TERT: variants seen among roughly 807,000 people sequenced by gnomAD.
The protein encoded by TERT is telomerase reverse transcriptase, also known as telomerase catalytic subunit.
Under a neutral mutation model 104.0 loss-of-function variants are expected in TERT, and 42 were observed. The observed-to-expected ratio is 0.40, with a 90% CI of 0.32 to 0.52. TERT has a LOEUF of 0.52. TERT is among the 20% of genes least tolerant of loss of function. TERT has a pLI of 0.43. For synonymous variants in TERT, 781 were observed against 725.6 expected (o/e 1.08, Z -1.23); for missense variants, 1,101 against 1,610.3 (o/e 0.68, Z 5.41).
Position 1,288,900 on chromosome 5 carries a change from C to T in TERT, c.1573+4413G>A, listed in dbSNP as rs371790289. ...GCGAGAGCCTGCAGTCCCGTGTCCC[C>T]GTAGCAAAATGGAACGGAGAGGTGA... On this transcript the variant is annotated intron_variant, in intron 2 of 15. Coordinates refer to ENST00000310581, the MANE Select transcript of TERT (RefSeq NM_198253.3). The surrounding 1 kb of genome is among the most constrained non-coding windows in gnomAD (Gnocchi z 5.3). 4.7e-4 allele frequency among the ~76,000 whole-genome samples: 72 copies of T among 152,236 alleles called. No homozygotes were observed. The highest frequency in any genetic ancestry group is 1.6e-3 in the African/African-American group (66 of 41,522).
chr5:1,293,884 G>T lies in TERT; in HGVS notation c.1002C>A (p.Ser334=). ...GCCGCAGCTGCTCCTTGTCGCCTGA[G>T]GAGTAGAGGAAGTGCTTGGTCTCGG... is the stretch of plus-strand genomic sequence containing the variant. The part of the protein sequence containing the change: ...VYAETKHFLY[S]SGDKEQLRPS... The change falls in exon 2 of 16, where the codon TCC becomes TCA. Residue 334 remains serine (S), a synonymous_variant. Transcript: ENST00000310581. 1 of 1,543,596 alleles carries T rather than the reference G, an allele frequency of 6.5e-7. No individual in the cohort carries two copies. The highest frequency in any genetic ancestry group is 8.7e-7 in the Non-Finnish European group (1 of 1,146,978).
In TERT at chr5:1,282,527, G is replaced by A. The variant is rs1750093586; in HGVS notation, c.1671C>T (p.Leu557=). ...WLMSVYVVEL[L]RSFFYVTETT... ...TCTCCGTGACATAAAAGAAAGACCT[G>A]AGCAGCTCGACGACGTACACACTCA... The change falls in exon 3 of 16, where the codon CTC becomes CTT. Residue 557 remains leucine (L), a synonymous_variant. Coordinates refer to ENST00000310581, the MANE Select transcript of TERT (RefSeq NM_198253.3). 1 of 1,614,142 alleles carries A rather than the reference G, an allele frequency of 6.2e-7. No individual in the cohort carries two copies. Among genetic ancestry groups the A allele is most frequent in the Non-Finnish European group, 8.5e-7 (1 of 1,180,030 alleles).
Position 1,287,442 on chromosome 5 carries a change from T to C in TERT, c.1574-4818A>G, listed in dbSNP as rs530917142. ...TCAGGCCAGAAGGTAAAAGTTACAC[T>C]GACCTGTGATCACACCACTGCACTC... On this transcript the variant is annotated intron_variant, in intron 2 of 15. Coordinates refer to ENST00000310581, the MANE Select transcript of TERT (RefSeq NM_198253.3). This position sits in a 1 kb window ranked among gnomAD's most constrained non-coding sequence, Gnocchi z 4.3. Among the ~76,000 whole-genome samples the C allele has an allele frequency of 2.7e-4, 40 of 150,780 alleles. No homozygotes were observed. Among genetic ancestry groups the C allele is most frequent in the Non-Finnish European group, 5.2e-4 (35 of 67,856 alleles).
In TERT at chr5:1,269,339, A is replaced by G. The variant is rs564025299; in HGVS notation, c.2469-706T>C. ...AAAAGAGGCTTTCCGGCTGGGCGTG[A>G]TGGCTCACACCTGTAATCCCAGCAC... On this transcript the variant is annotated intron_variant, in intron 8 of 15. Coordinates refer to ENST00000310581, the MANE Select transcript of TERT (RefSeq NM_198253.3). This position sits in a 1 kb window ranked among gnomAD's most constrained non-coding sequence, Gnocchi z 9.0. Among the ~76,000 whole-genome samples, 670 of 152,218 alleles carry G rather than the reference A, an allele frequency of 4.4e-3. 5 individuals are homozygous for G. Among genetic ancestry groups the G allele is most frequent in the South Asian group, 0.034 (164 of 4,814 alleles).
intron 6 of TERT, 103 bp downstream of exon 6, chr5:1,278,538 G>C: frequency 6.6e-7 from 1 of 1,506,960 alleles, no homozygotes; most frequent in East Asian, 2.3e-5. Flanking sequence ...AATCATGGAA[G>C]TACCTCCACC....
In TERT at chr5:1,254,599, G is replaced by A. The variant is rs188517214; in HGVS notation, c.3158-94C>T. The A allele has an allele frequency of 2.3e-3, 3,306 of 1,465,196 alleles. 8 individuals are homozygous for A. The highest frequency in any genetic ancestry group is 2.4e-3 in the Admixed American group (118 of 49,632). The allele number at this position is 1,465,196 out of a possible 1,614,324, so 90.8% of individuals were successfully genotyped here. A position where few individuals can be genotyped will look rare whatever the true frequency, so the allele number is the denominator to read the frequency against. The stretch of plus-strand genomic sequence containing the variant: ...CTGCCCACACCCGACGGTCTGCGGG[G>A]TGGCTCCATCTCTGGCTGTCCCGAC... On this transcript the variant is annotated intron_variant, in intron 14 of 15. Coordinates refer to ENST00000310581, the MANE Select transcript of TERT (RefSeq NM_198253.3).
At chr5:1,267,327 A>T in intron 9 of TERT, among the ~76,000 whole-genome samples, 1 of 152,116 alleles carries the variant, frequency 6.6e-6, no homozygotes, top group East Asian at 1.9e-4. Context: ...CTATTTTCAT[A>T]AAAAAATAAC....
intron 2 of TERT, 59 bp downstream of exon 2, chr5:1,293,254 T>C: frequency 6.3e-7 from 1 of 1,599,972 alleles, no homozygotes; most frequent in African/African-American, 1.3e-5. Flanking sequence ...CCCCCTTTTC[T>C]GAGCCCCTAC....
In TERT at chr5:1,282,467, C is replaced by A; in HGVS notation, c.1731G>T (p.Arg577=). The change falls in exon 3 of 16, where the codon CGG becomes CGT. Residue 577 remains arginine (R), a synonymous_variant. Transcript: ENST00000310581. ...TTTGCAACTTGCTCCAGACACTCTT[C>A]CGGTAGAAAAAGAGCCTGTTCTTTT... ...TFQKNRLFFY[R]KSVWSKLQSI... The A allele has an allele frequency of 6.2e-7, 1 of 1,614,180 alleles. No individual in the cohort carries two copies. Among genetic ancestry groups the A allele is most frequent in the Non-Finnish European group, 8.5e-7 (1 of 1,180,036 alleles).
At chr5:1,282,347 C>T (rs1311950371) in intron 3 of TERT, 82 bp downstream of exon 3, 2 of 1,458,892 alleles carry the variant, frequency 1.4e-6, no homozygotes, top group African/African-American at 2.8e-5. Context: ...GAAGCACAGG[C>T]AAGTGGAGAC....
In TERT at chr5:1,269,475, G is replaced by T. The variant is rs972026940; in HGVS notation, c.2469-842C>A. 3.9e-5 allele frequency among the ~76,000 whole-genome samples: 6 copies of T among 152,074 alleles called. No homozygotes were observed. The highest frequency in any genetic ancestry group is 7.4e-5 in the Non-Finnish European group (5 of 68,000). On this transcript the variant is annotated intron_variant, in intron 8 of 15. Transcript: ENST00000310581. The surrounding 1 kb of genome is among the most constrained non-coding windows in gnomAD (Gnocchi z 9.0). ...AAATACAAAAATTAGCCAGGCGCAGGGGGTGGGTGCCTGTAATCTCAGCTG... is the reference window on the plus strand; with the variant it reads ...AAATACAAAAATTAGCCAGGCGCAGTGGGTGGGTGCCTGTAATCTCAGCTG...
chr5:1,268,465 C>A lies in TERT; in HGVS notation c.2582+55G>T. ...GCACCAGGAATATTAACACTGAATG[C>A]ATCAAAAGCAAATCAACCCCCACCC... On this transcript the variant is annotated intron_variant, in intron 9 of 15. Coordinates refer to ENST00000310581, the MANE Select transcript of TERT (RefSeq NM_198253.3). The surrounding 1 kb of genome is among the most constrained non-coding windows in gnomAD (Gnocchi z 5.5). 2.3e-6 allele frequency: 3 copies of A among 1,304,176 alleles called. No homozygotes were observed. Among genetic ancestry groups the A allele is most frequent in the Non-Finnish European group, 3.3e-6 (3 of 907,036 alleles). The allele number at this position is 1,304,176 out of a possible 1,614,324, so 80.8% of individuals were successfully genotyped here. A position where few individuals can be genotyped will look rare whatever the true frequency, so the allele number is the denominator to read the frequency against.
intron 12 of TERT, 143 bp from the exon 13 acceptor site, chr5:1,258,802 G>C: frequency 1.2e-6 from 1 of 820,844 alleles, no homozygotes; most frequent in Non-Finnish European, 2.0e-6. Flanking sequence ...AGTGAAATCC[G>C]GCCTGGCCCT....
Position 1,269,251 on chromosome 5 carries a change from C to T in TERT, c.2469-618G>A, listed in dbSNP as rs1748849198. On this transcript the variant is annotated intron_variant, in intron 8 of 15. Coordinates refer to ENST00000310581, the MANE Select transcript of TERT (RefSeq NM_198253.3). The surrounding 1 kb of genome is among the most constrained non-coding windows in gnomAD (Gnocchi z 9.0). ...ACGCCACTCCTGTTGCTAAGAGACG[C>T]TTGCAGCCTACTGCAAAAACAAGAC... Among the ~76,000 whole-genome samples, 1 of 152,236 alleles carries T rather than the reference C, an allele frequency of 6.6e-6. No individual in the cohort carries two copies. Among genetic ancestry groups the T allele is most frequent in the Admixed American group, 6.5e-5 (1 of 15,290 alleles).
intron 5 of TERT, 51 bp from the exon 6 acceptor site, chr5:1,278,847 C>CA (rs2126640642): frequency 6.2e-7 from 1 of 1,611,948 alleles, no homozygotes; most frequent in Non-Finnish European, 8.5e-7. Context: ...GAAACTCAGA[C>CA]ATCACCTCTG....
chr5:1,278,514 A>G lies in TERT; in HGVS notation c.2286+127T>C, dbSNP rs34049290. On this transcript the variant is annotated intron_variant, in intron 6 of 15. Transcript: ENST00000310581. The stretch of plus-strand genomic sequence containing the variant: ...CGACACACACGTGCCACACACGCAT[A>G]TCACAGATGTGTAAATCATGGAAGT... 387 of 1,360,646 alleles carry G rather than the reference A, an allele frequency of 2.8e-4. 3 individuals are homozygous for G. The East Asian group carries it at 8.8e-3, about 31-fold the overall frequency. The allele number at this position is 1,360,646 out of a possible 1,614,324, so 84.3% of individuals were successfully genotyped here.
intron 10 of TERT, 77 bp from the exon 11 acceptor site, chr5:1,264,669 C>A: frequency 6.5e-7 from 1 of 1,542,022 alleles, no homozygotes; most frequent in Non-Finnish European, 8.9e-7. Context: ...TTGTTAAATG[C>A]TTTGGAAAAC....
rs934008671 is a variant in TERT at position 1,256,195 on chromosome 5, A to G, written c.3033-784T>C. Among the ~76,000 whole-genome samples the G allele has an allele frequency of 2.0e-5, 3 of 151,682 alleles. No individual in the cohort carries two copies. Among genetic ancestry groups the G allele is most frequent in the African/African-American group, 4.8e-5 (2 of 41,248 alleles). On this transcript the variant is annotated intron_variant, in intron 13 of 15. Transcript: ENST00000310581. This position sits in a 1 kb window ranked among gnomAD's most constrained non-coding sequence, Gnocchi z 7.0. Reference sequence around the variant, plus strand: ...CAGCTAATTTTTGTTTTTATTTTTCATAGAGATGGGGTTCTACTATGTTGC... The same window carrying G: ...CAGCTAATTTTTGTTTTTATTTTTCGTAGAGATGGGGTTCTACTATGTTGC...
At position 1,262,049 on chromosome 5, in the gene TERT, G is replaced by C. The variant is rs913714200; in HGVS notation, c.2844-1449C>G. On this transcript the variant is annotated intron_variant, in intron 11 of 15. Transcript: ENST00000310581. This position sits in a 1 kb window ranked among gnomAD's most constrained non-coding sequence, Gnocchi z 5.6. ...TGAGTTTCTCTGCAGTGAAAGCAAT[G>C]CCCGTTGCCTCACTGGTTTCATCCG... 6.6e-6 allele frequency among the ~76,000 whole-genome samples: 1 copy of C among 152,210 alleles called. No homozygotes were observed. Among genetic ancestry groups the C allele is most frequent in the African/African-American group, 2.4e-5 (1 of 41,456 alleles).
Sources: allele counts gnomAD v4.1 joint callset (sites outside exome capture counted in the v4.1 genomes callset), GRCh38; gene constraint gnomAD v4.1.1; non-coding constraint Gnocchi (gnomAD v3.1); transcripts MANE v1.5; gene names NCBI Gene and HGNC (gene_info 2026-07-23, HGNC 2026-07-21).